Variants in PPARD observed in about 807,000 individuals in gnomAD.
PPARD encodes the protein peroxisome proliferator activated receptor delta, also known as peroxisome proliferator-activated receptor delta.
Under a neutral mutation model 39.5 loss-of-function variants are expected in PPARD, and 6 were observed. That is an observed-to-expected ratio of 0.15 (90% CI 0.08 to 0.30). The LOEUF (loss-of-function observed/expected upper bound fraction) is 0.30. Ranked by LOEUF, PPARD falls within the 10% of genes least tolerant of loss-of-function variation. The pLI is 1.00. For synonymous variants in PPARD, 210 were observed against 231.3 expected, an observed-to-expected ratio of 0.91 and a Z score of 0.83; for missense variants, 397 against 596.8, an observed-to-expected ratio of 0.67 and a Z score of 3.49.
intron 2 of PPARD, among the ~76,000 whole-genome samples, chr6:35,380,466 T>TTTTTG (rs1763077206): frequency 2.5e-5 from 3 of 121,460 alleles, no homozygotes; most frequent in Non-Finnish European, 4.6e-5. Context: ...CGTGTTTTTT[T>TTTTTG]TTTTTGTTTG....
In PPARD at chr6:35,424,198, A is replaced by G. The variant is rs374028017; in HGVS notation, c.627+50A>G. 3 of 1,604,254 alleles carry G rather than the reference A, an allele frequency of 1.9e-6. No homozygotes were observed. The highest frequency in any genetic ancestry group is 2.7e-5 in the African/African-American group (2 of 74,672). On this transcript the variant is annotated intron_variant, in intron 6 of 7. Transcript: ENST00000360694. This position sits in a 1 kb window ranked among gnomAD's most constrained non-coding sequence, Gnocchi z 7.1. ...GGCAGCATCCTGGGCTCTGGGTCCC[A>G]CTGCCGCCTGCCTGACTCCGGGAGA...
intron 2 of PPARD, among the ~76,000 whole-genome samples, chr6:35,402,425 A>T (rs1368616540): frequency 6.6e-6 from 1 of 152,194 alleles, no homozygotes; most frequent in East Asian, 1.9e-4. Flanking sequence ...TCCCTACTGC[A>T]GGTGGGTGGG....
chr6:35,416,158 G>C (rs2150808028), intron 3 of PPARD, among the ~76,000 whole-genome samples: 1 of 152,050 alleles, frequency 6.6e-6, no homozygotes, highest in Non-Finnish European at 1.5e-5. Context: ...AAGGTGGGTG[G>C]ATCACCTGAG....
intron 2 of PPARD, among the ~76,000 whole-genome samples, chr6:35,400,617 T>G (rs1267828937): frequency 6.6e-6 from 1 of 151,836 alleles, no homozygotes; most frequent in East Asian, 1.9e-4. Context: ...CTGGGCAACA[T>G]GGCAAAACCC....
intron 2 of PPARD, chr6:35,348,999 C>T (rs980942553): frequency 5.1e-6 from 5 of 984,760 alleles, no homozygotes; most frequent in Non-Finnish European, 6.0e-6. Context: ...AGCTCCCAGT[C>T]GCAGGTAGGA....
chr6:35,425,428 G>A lies in PPARD; in HGVS notation c.1079-404G>A. 8 of 1,074,858 alleles carry A rather than the reference G, an allele frequency of 7.4e-6. No homozygotes were observed. The highest frequency in any genetic ancestry group is 9.1e-6 in the Non-Finnish European group (8 of 883,102). 66.6% of individuals were successfully genotyped at this position (1,074,858 alleles called of 1,614,324 possible). On this transcript the variant is annotated intron_variant, in intron 7 of 7. Coordinates refer to ENST00000360694, the MANE Select transcript of PPARD (RefSeq NM_006238.5). The surrounding 1 kb of genome is among the most constrained non-coding windows in gnomAD (Gnocchi z 4.5). ...GTGGTCTAGAGCTTACTTCATGCCA[G>A]GCACTGTTCTTTTCATCGATGATGA...
At chr6:35,397,668 C>A in intron 2 of PPARD, 1 of 553,156 alleles carries the variant, frequency 1.8e-6, no homozygotes, top group Non-Finnish European at 2.3e-6. Context: ...GTGAATCTAA[C>A]AACAGACAAA....
chr6:35,362,741 G>A (rs1033619143), intron 2 of PPARD, among the ~76,000 whole-genome samples: 1 of 152,142 alleles, frequency 6.6e-6, no homozygotes, highest in African/African-American at 2.4e-5. Context: ...CAGCAAGCAA[G>A]CTGGCCAGGA....
Position 35,427,635 on chromosome 6 carries a change from A to C in PPARD, c.*1556A>C, listed in dbSNP as rs889220896. The C allele has an allele frequency of 6.6e-6, 1 of 152,370 alleles. No individual in the cohort carries two copies. Among genetic ancestry groups the C allele is most frequent in the Admixed American group, 6.5e-5 (1 of 15,280 alleles). The allele number at this position is 152,370 out of a possible 1,614,324, so 9.4% of individuals were successfully genotyped here. ...GGTTGAGGTGCGCTCACCTCAGAGC[A>C]GGGCCAAAGCACAGCTGGGCATGCC... On this transcript the variant is annotated 3_prime_UTR_variant, in exon 8 of 8. Coordinates refer to ENST00000360694, the MANE Select transcript of PPARD (RefSeq NM_006238.5).
intron 5 of PPARD, among the ~76,000 whole-genome samples, chr6:35,423,406 C>T (rs925583131): frequency 2.6e-5 from 4 of 151,588 alleles, no homozygotes; most frequent in South Asian, 2.1e-4. Flanking sequence ...TGGTGGTGGG[C>T]GCCTATAATC....
At chr6:35,360,953 GCTC>G (rs1450973429) in intron 2 of PPARD, among the ~76,000 whole-genome samples, 2 of 152,148 alleles carry the variant, frequency 1.3e-5, no homozygotes, top group Admixed American at 6.5e-5. Flanking sequence ...TGCCCTGCTG[GCTC>G]CTCCTCAGGC....
At chr6:35,374,512 G>A (rs909253153) in intron 2 of PPARD, among the ~76,000 whole-genome samples, 47 of 151,816 alleles carry the variant, frequency 3.1e-4, no homozygotes, top group African/African-American at 1.0e-3. Context: ...TAAAAAATTA[G>A]CCGGGCATGG....
chr6:35,390,360 A>G (rs1214202172), intron 2 of PPARD, among the ~76,000 whole-genome samples: 4 of 152,234 alleles, frequency 2.6e-5, no homozygotes, highest in South Asian at 2.1e-4. Context: ...GCTTTTGTAC[A>G]TGGTGCCTGA....
At chr6:35,422,012 C>T in intron 5 of PPARD, 54 bp downstream of exon 5, 1 of 1,545,010 alleles carries the variant, frequency 6.5e-7, no homozygotes, top group East Asian at 2.3e-5. Flanking sequence ...AGCCTGAAAC[C>T]AAGGTCCAGG....
intron 2 of PPARD, among the ~76,000 whole-genome samples, chr6:35,348,194 C>CA (rs949609307): frequency 6.6e-6 from 1 of 152,164 alleles, no homozygotes; most frequent in Non-Finnish European, 1.5e-5. Context: ...AGATGTGAGC[C>CA]ACTGTGCCCA....
chr6:35,384,628 G>T (rs1185356218), intron 2 of PPARD, among the ~76,000 whole-genome samples: 2 of 65,560 alleles, frequency 3.1e-5, no homozygotes, highest in Non-Finnish European at 5.7e-5. Context: ...GTCAGGCCCC[G>T]CCCGGCCAGC....
rs548008195 is a variant in PPARD, at chr6:35,405,467, C to G, written c.-101-5520C>G. The stretch of plus-strand genomic sequence containing the variant: ...GTCTGGGGGTCTGAAGCTCCAGCCT[C>G]TTAAGTGGGGCAAAGCTGTGACATG... On this transcript the variant is annotated intron_variant, in intron 2 of 7. Coordinates refer to ENST00000360694, the MANE Select transcript of PPARD (RefSeq NM_006238.5). 4.6e-5 allele frequency among the ~76,000 whole-genome samples: 7 copies of G among 151,850 alleles called. No homozygotes were observed. The South Asian group carries it at 1.5e-3, about 32-fold the overall frequency.
intron 2 of PPARD, among the ~76,000 whole-genome samples, chr6:35,399,837 A>G (rs990711004): frequency 1.3e-5 from 2 of 152,220 alleles, no homozygotes; most frequent in Non-Finnish European, 2.9e-5. Flanking sequence ...TAAATATTCT[A>G]TGAAAACATG....
intron 2 of PPARD, among the ~76,000 whole-genome samples, chr6:35,408,705 G>A (rs1007016686): frequency 6.6e-6 from 1 of 152,246 alleles, no homozygotes; most frequent in Admixed American, 6.5e-5. Flanking sequence ...GTGCCCAAGG[G>A]CCAGGTCTGC....
Sources: gnomAD v4.1 joint callset for allele counts (sites outside exome capture counted in the v4.1 genomes callset) on GRCh38, gnomAD v4.1.1 for gene constraint, Gnocchi (gnomAD v3.1) non-coding constraint, MANE v1.5 for transcripts, NCBI Gene and HGNC (gene_info 2026-07-23, HGNC 2026-07-21) for gene names.